Variants in DOCK1 observed in about 807,000 individuals in gnomAD.
DOCK1 encodes dedicator of cytokinesis protein 1.
DOCK1 carries 138 observed loss-of-function variants against 262.7 expected under a neutral mutation model. The observed-to-expected ratio is 0.53, with a 90% confidence interval of 0.46 to 0.61. The LOEUF (loss-of-function observed/expected upper bound fraction) is 0.61, where lower values mean the gene tolerates loss of function less well. DOCK1 is among the 20% of genes least tolerant of loss of function. The probability of loss-of-function intolerance (pLI) is 0.00; values close to 1 mark genes in which losing one functional copy is unlikely to be tolerated. For missense variants in DOCK1, 1,908 were observed against 2,370.7 expected, an observed-to-expected ratio of 0.80 and a Z score of 4.05; for synonymous variants, 866 against 867.4, an observed-to-expected ratio of 1.00 and a Z score of 0.03.
intron 38 of DOCK1, among the ~76,000 whole-genome samples, chr10:127,395,486 A>C (rs568509076): frequency 3.8e-4 from 58 of 152,352 alleles, no homozygotes; most frequent in African/African-American, 1.3e-3. Flanking sequence ...CGTGAATTTG[A>C]GGGAGACACA....
chr10:127,383,001 T>TA (rs1174641926), intron 37 of DOCK1, among the ~76,000 whole-genome samples: 3 of 152,210 alleles, frequency 2.0e-5, no homozygotes, highest in Non-Finnish European at 2.9e-5. Flanking sequence ...TTTGCCCCGT[T>TA]ACATTTTGCA....
Position 127,439,175 on chromosome 10 carries a change from C to G in DOCK1, c.5209C>G (p.Pro1737Ala), listed in dbSNP as rs772398292. The G allele has an allele frequency of 6.2e-7, 1 of 1,611,482 alleles. No individual in the cohort carries two copies. Among genetic ancestry groups the G allele is most frequent in the African/African-American group, 1.3e-5 (1 of 74,894 alleles). The stretch of plus-strand genomic sequence containing the variant: ...AGAGATATTTGAGAAAGAATTTAAA[C>G]CCACCGACATTTCCCTGCAGCAGTC... The part of the protein sequence containing the change: ...HQEIFEKEFK[P>A]TDISLQQSEA... The change falls in exon 49 of 52, where the codon CCC becomes GCC. Residue 1737 changes from proline to alanine, a missense_variant. Physicochemically the swap from Pro to Ala is conservative, Grantham distance 27. Transcript: ENST00000623213.
intron 1 of DOCK1, among the ~76,000 whole-genome samples, chr10:126,916,153 G>T (rs1234118894): frequency 6.6e-6 from 1 of 152,130 alleles, no homozygotes; most frequent in Non-Finnish European, 1.5e-5. Flanking sequence ...TGAGCCCCAG[G>T]CCCCTTACCT....
Position 127,219,356 on chromosome 10 carries a change from A to G in DOCK1, c.2848-28652A>G, listed in dbSNP as rs908701569. The stretch of plus-strand genomic sequence containing the variant: ...GGCTATTTCTGAGTTACTTAGCTTT[A>G]TATTAACTTTCTCATCAGCAGTTGG... On this transcript the variant is annotated intron_variant, in intron 27 of 51. Coordinates refer to ENST00000623213, the MANE Select transcript of DOCK1 (RefSeq NM_001290223.2). Among the ~76,000 whole-genome samples, 18 of 152,106 alleles carry G rather than the reference A, an allele frequency of 1.2e-4. 1 individual carries two copies. The highest frequency in any genetic ancestry group is 1.9e-4 in the Non-Finnish European group (13 of 68,042).
chr10:127,158,058 G>C (rs1207135786), intron 27 of DOCK1, among the ~76,000 whole-genome samples: 3 of 152,166 alleles, frequency 2.0e-5, no homozygotes, highest in Non-Finnish European at 2.9e-5. Context: ...CCAAGCTGTA[G>C]GGTTTGGCTT....
At position 127,097,600 on chromosome 10, in the gene DOCK1, C is replaced by T. The variant is rs73374783; in HGVS notation, c.2446-8631C>T. On this transcript the variant is annotated intron_variant, in intron 23 of 51. Transcript: ENST00000623213. ...GGTCCTGCACACGTGTTGATTGGTC[C>T]GAGGACTAAATGCAGGTAGAATCAG... is the stretch of plus-strand genomic sequence containing the variant. Among the ~76,000 whole-genome samples, 1,474 of 152,128 alleles carry T rather than the reference C, an allele frequency of 9.7e-3. 23 individuals are homozygous for T. Among genetic ancestry groups the T allele is most frequent in the African/African-American group, 0.033 (1,377 of 41,494 alleles).
intron 29 of DOCK1, among the ~76,000 whole-genome samples, chr10:127,331,644 T>C (rs997739650): frequency 2.6e-5 from 4 of 152,160 alleles, no homozygotes; most frequent in Non-Finnish European, 4.4e-5. Flanking sequence ...GTTCAGTCCA[T>C]TGGGAAACTT....
intron 27 of DOCK1, among the ~76,000 whole-genome samples, chr10:127,166,784 T>G (rs1293971323): frequency 6.6e-6 from 1 of 152,220 alleles, no homozygotes; most frequent in Non-Finnish European, 1.5e-5. Context: ...CATTTTTTTT[T>G]TAAATCCAAA....
chr10:126,990,139 A>G (rs1217661221), intron 5 of DOCK1, among the ~76,000 whole-genome samples: 1 of 152,220 alleles, frequency 6.6e-6, no homozygotes, highest in Admixed American at 6.5e-5. Context: ...CAGGAAGCTC[A>G]CGAGCAGGTG....
chr10:127,162,167 C>T (rs779264700), intron 27 of DOCK1, among the ~76,000 whole-genome samples: 3 of 152,190 alleles, frequency 2.0e-5, no homozygotes, highest in Non-Finnish European at 2.9e-5. Flanking sequence ...CCCATTAGCT[C>T]TCAGTATTCT....
chr10:126,980,591 C>A (rs947462005), intron 3 of DOCK1, among the ~76,000 whole-genome samples: 3 of 152,178 alleles, frequency 2.0e-5, no homozygotes, highest in Non-Finnish European at 2.9e-5. Context: ...TGGCCACTTT[C>A]CTTGTTGGCA....
Position 127,125,168 on chromosome 10 carries a change from A to C in DOCK1, c.2624-306A>C, listed in dbSNP as rs1434802231. Among the ~76,000 whole-genome samples, 4 of 152,214 alleles carry C rather than the reference A, an allele frequency of 2.6e-5. No homozygotes were observed. In the East Asian group the frequency reaches 5.8e-4, roughly 22 times the overall value. On this transcript the variant is annotated intron_variant, in intron 25 of 51. Transcript: ENST00000623213. ...AAAACCCATGTGTGTTTGTGTCTGC[A>C]TTTATGTGCACACAGTGGGATATAA...
At chr10:127,368,114 CT>C (rs2065024723) in intron 33 of DOCK1, among the ~76,000 whole-genome samples, 1 of 152,218 alleles carries the variant, frequency 6.6e-6, no homozygotes, top group African/African-American at 2.4e-5. Flanking sequence ...GAACATGGCC[CT>C]TCACAGGGGA....
At chr10:127,448,582 C>G (rs968654371) in intron 51 of DOCK1, among the ~76,000 whole-genome samples, 1 of 152,180 alleles carries the variant, frequency 6.6e-6, no homozygotes, top group Non-Finnish European at 1.5e-5. Flanking sequence ...ACTTCTGCTT[C>G]TAGGCTCAGG....
At chr10:127,278,190 G>A (rs183703654) in intron 29 of DOCK1, among the ~76,000 whole-genome samples, 1 of 152,100 alleles carries the variant, frequency 6.6e-6, no homozygotes, top group African/African-American at 2.4e-5. Flanking sequence ...CCAGTGTCCA[G>A]TGTAAGCAAA....
rs2069429908 is a variant in DOCK1 at position 127,433,311 on chromosome 10, G to A, written c.4943G>A (p.Ser1648Asn). ...TCAAGTCTGGATGATAGAAGAGGCA[G>A]CCGCCCCCGGTCCATGGTGCGGTCC... Reference protein sequence around the residue: ...MPSSLDDRRGSRPRSMVRSFT... With the variant: ...MPSSLDDRRGNRPRSMVRSFT... Residue 1648 changes from serine to asparagine, a missense_variant, in exon 48 of 52, where the codon AGC becomes AAC. Physicochemically the swap from Ser to Asn is conservative, Grantham distance 46. This residue lies in a region of DOCK1 where 383 missense variants were observed against 420.1 expected (regional missense o/e 0.91). Transcript: ENST00000623213. 2 of 1,613,976 alleles carry A rather than the reference G, an allele frequency of 1.2e-6. No homozygotes were observed. The highest frequency in any genetic ancestry group is 1.7e-6 in the Non-Finnish European group (2 of 1,179,884).
chr10:127,266,959 A>C (rs1193842986), intron 29 of DOCK1, among the ~76,000 whole-genome samples: 3 of 152,122 alleles, frequency 2.0e-5, no homozygotes, highest in Non-Finnish European at 4.4e-5. Flanking sequence ...CTGGCAAGTC[A>C]CCCAGAGAAA....
chr10:126,998,470 C>T lies in DOCK1; in HGVS notation c.767+221C>T, dbSNP rs76562786. On this transcript the variant is annotated intron_variant, in intron 8 of 51. Transcript: ENST00000623213. ...TCTTGCGTGTAGATTGCTATTTGCT[C>T]GTAGAGTTATAGCAGTTGCAGGTAC... The T allele has an allele frequency of 1.6e-3, 804 of 509,368 alleles. 8 individuals carry two copies. Among genetic ancestry groups the T allele is most frequent in the African/African-American group, 0.013 (681 of 52,968 alleles). The allele number at this position is 509,368 out of a possible 1,614,324, so 31.6% of individuals were successfully genotyped here.
chr10:127,306,418 G>T (rs2766035), intron 29 of DOCK1, among the ~76,000 whole-genome samples: 2 of 152,104 alleles, frequency 1.3e-5, no homozygotes, highest in African/African-American at 2.4e-5. Context: ...CACGTTCACC[G>T]ATTTCATCTG....
Sources: allele counts gnomAD v4.1 joint callset (sites outside exome capture counted in the v4.1 genomes callset), GRCh38; gene constraint gnomAD v4.1.1; regional missense constraint gnomAD v4.1.1; transcripts MANE v1.5; gene names NCBI Gene and HGNC (gene_info 2026-07-23, HGNC 2026-07-21).